XYLB: variants seen among roughly 807,000 people sequenced by gnomAD.
The protein encoded by XYLB is xylulose kinase.
A neutral mutation model predicts 78.7 loss-of-function variants in XYLB; 62 were observed. That is an observed-to-expected ratio of 0.79 (90% CI 0.64 to 0.97). The LOEUF (loss-of-function observed/expected upper bound fraction) is 0.97. Among genes scored for constraint, XYLB ranks in the 50% least tolerant of loss-of-function variants. XYLB has a pLI of 0.00. For missense variants in XYLB, 687 were observed against 676.8 expected (o/e 1.02, Z -0.17); for synonymous variants, 245 against 247.4 (o/e 0.99, Z 0.09).
chr3:38,353,013 G>A (rs1705451297), intron 2 of XYLB, among the ~76,000 whole-genome samples: 1 of 152,124 alleles, frequency 6.6e-6, no homozygotes, highest in African/African-American at 2.4e-5. Context: ...TTACAGGCGT[G>A]AGCCACCACA....
intron 10 of XYLB, 23 bp downstream of exon 10, chr3:38,372,759 C>T (rs1445484374): frequency 6.2e-7 from 1 of 1,612,760 alleles, no homozygotes; most frequent in Admixed American, 1.7e-5. Flanking sequence ...GGGAGTTTCA[C>T]TCTCCAGTGA....
intron 18 of XYLB, among the ~76,000 whole-genome samples, chr3:38,403,314 A>G (rs1426652441): frequency 1.3e-5 from 2 of 152,062 alleles, no homozygotes; most frequent in African/African-American, 4.8e-5. Flanking sequence ...AAAGTTACTA[A>G]TATGATATTT....
Position 38,370,085 on chromosome 3 carries a change from G to A in XYLB, c.676G>A (p.Asp226Asn), listed in dbSNP as rs758451545. ...GSGMNLLQIQ[D>N]KVWSQACLGA... ...TGGAATGAATTTGTTGCAGATACAG[G>A]ATAAAGTCTGGTCCCAGGCTTGCCT... Residue 226 changes from aspartate to asparagine, a missense_variant, in exon 9 of 19, where the codon GAT becomes AAT. Coordinates refer to ENST00000207870, the MANE Select transcript of XYLB (RefSeq NM_005108.4). 29 of 1,614,062 alleles carry A rather than the reference G, an allele frequency of 1.8e-5. No homozygotes were observed. Among genetic ancestry groups the A allele is most frequent in the Non-Finnish European group, 2.5e-5 (29 of 1,180,038 alleles).
At chr3:38,355,964 AC>A in intron 2 of XYLB, 1 of 594,218 alleles carries the variant, frequency 1.7e-6, no homozygotes, top group Non-Finnish European at 3.0e-6. Context: ...TAAAGAAAAT[AC>A]TGGGGCCAGG....
chr3:38,420,774 C>T (rs1040620992), downstream of XYLB, among the ~76,000 whole-genome samples: 7 of 151,942 alleles, frequency 4.6e-5, no homozygotes, highest in African/African-American at 1.7e-4. Flanking sequence ...GGTAGCAAGC[C>T]CTAACCCTGT....
At chr3:38,438,148 G>A in the XYLB span, among the ~76,000 whole-genome samples, 1 of 152,188 alleles carries the variant, frequency 6.6e-6, no homozygotes, top group Admixed American at 6.5e-5. Flanking sequence ...AGGATTGCTT[G>A]AACACAGGAA....
chr3:38,395,470 G>T, intron 15 of XYLB, 35 bp from the exon 16 acceptor site: 2 of 1,610,062 alleles, frequency 1.2e-6, no homozygotes, highest in Non-Finnish European at 1.7e-6. Context: ...GGGAGAACTG[G>T]CATAGCTATT....
chr3:38,355,894 C>T, intron 2 of XYLB: 1 of 666,516 alleles, frequency 1.5e-6, no homozygotes. Flanking sequence ...TCAGCTGTAT[C>T]AAGCCATAGA....
chr3:38,401,797 G>A (rs999898326), intron 18 of XYLB, among the ~76,000 whole-genome samples: 31 of 152,016 alleles, frequency 2.0e-4, no homozygotes, highest in African/African-American at 7.3e-5. Flanking sequence ...CTTCATTCCC[G>A]AGGTGAATCT....
chr3:38,354,906 A>T (rs1274412786), intron 2 of XYLB, among the ~76,000 whole-genome samples: 1 of 152,216 alleles, frequency 6.6e-6, no homozygotes, highest in Non-Finnish European at 1.5e-5. Flanking sequence ...ACACGTTATG[A>T]CTTTCCATTT....
rs1186909013 is a variant in XYLB, at chr3:38,388,159, GT to G, written c.1292-7337del. Among the ~76,000 whole-genome samples the G allele has an allele frequency of 9.1e-3, 341 of 37,642 alleles. 3 individuals are homozygous for G. The highest frequency in any genetic ancestry group is 0.022 in the Non-Finnish European group (254 of 11,330). 24.7% of individuals were successfully genotyped at this position (37,642 alleles called of 152,430 possible). ...ATCAGGAAGTGCGGGTGAGGTGGTG[GT>G]TTTTTTTTGTTTTTTTTTTTTTTTT... is the stretch of plus-strand genomic sequence containing the variant. On this transcript the variant is annotated intron_variant, in intron 15 of 18. Coordinates refer to ENST00000207870, the MANE Select transcript of XYLB (RefSeq NM_005108.4).
At chr3:38,401,057 A>G (rs746600731) in intron 18 of XYLB, 72 bp downstream of exon 18, 5 of 1,323,000 alleles carry the variant, frequency 3.8e-6, no homozygotes, top group Admixed American at 3.4e-5. Context: ...CCCCCACCAA[A>G]AGGTCACCTA....
intron 9 of XYLB, chr3:38,372,370 G>A: frequency 1.0e-6 from 1 of 985,054 alleles, no homozygotes; most frequent in Non-Finnish European, 1.2e-6. Flanking sequence ...ACAAGTTAGG[G>A]GTTGGTTTGT....
chr3:38,388,955 T>C (rs914520906), intron 15 of XYLB, among the ~76,000 whole-genome samples: 7 of 152,080 alleles, frequency 4.6e-5, no homozygotes, highest in African/African-American at 7.2e-5. Context: ...TTCTTTCTTT[T>C]TTTTTTTTAT....
intron 15 of XYLB, among the ~76,000 whole-genome samples, chr3:38,385,086 C>T (rs760321090): frequency 7.9e-5 from 12 of 152,142 alleles, no homozygotes; most frequent in Non-Finnish European, 1.0e-4. Context: ...CTGCAACCTT[C>T]GCCTCCCGGG....
chr3:38,356,270 A>G (rs80017325), intron 2 of XYLB: 1 of 151,424 alleles, frequency 6.6e-6, no homozygotes, highest in African/African-American at 2.4e-5. Flanking sequence ...AAAAAAAGAA[A>G]GAGAAAATAC....
intron 5 of XYLB, 148 bp downstream of exon 5, chr3:38,365,433 C>G: frequency 7.3e-7 from 1 of 1,369,984 alleles, no homozygotes; most frequent in Non-Finnish European, 1.0e-6. Flanking sequence ...GGGGAGAGAC[C>G]CCACTGGGCC....
the XYLB span, among the ~76,000 whole-genome samples, chr3:38,434,091 A>G: frequency 6.6e-6 from 1 of 152,214 alleles, no homozygotes; most frequent in Admixed American, 6.5e-5. Context: ...CCCCTTATAA[A>G]AACATCAGAT....
At chr3:38,371,036 A>G (rs1211749250) in intron 9 of XYLB, among the ~76,000 whole-genome samples, 1 of 152,192 alleles carries the variant, frequency 6.6e-6, no homozygotes, top group African/African-American at 2.4e-5. Flanking sequence ...GGAGTCGTGT[A>G]ACTGGGAATC....
Sources: gnomAD v4.1 joint callset for allele counts (sites outside exome capture counted in the v4.1 genomes callset) on GRCh38, gnomAD v4.1.1 for gene constraint, MANE v1.5 for transcripts, NCBI Gene and HGNC (gene_info 2026-07-23, HGNC 2026-07-21) for gene names.